The following ERO1B variants were observed in gnomAD, a reference collection of about 807,000 sequenced individuals.
The protein encoded by ERO1B is ERO1-like protein beta.
In ERO1B, 49 loss-of-function variants were observed where a neutral mutation model predicts 75.3. The observed-to-expected ratio is 0.65, with a 90% confidence interval of 0.52 to 0.83. The LOEUF (loss-of-function observed/expected upper bound fraction) is 0.83. ERO1B is among the 40% of genes least tolerant of loss of function. The pLI is 0.00. For synonymous variants in ERO1B, 191 were observed against 192.9 expected (o/e 0.99, Z 0.08); for missense variants, 512 against 560.1 (o/e 0.91, Z 0.87).
chr1:236,266,204 AAG>A (rs967965220), intron 2 of ERO1B, among the ~76,000 whole-genome samples: 2 of 152,276 alleles, frequency 1.3e-5, no homozygotes, highest in African/African-American at 4.8e-5. Flanking sequence ...AGAAGTAAAA[AAG>A]AGAAGTTAGA....
intron 2 of ERO1B, among the ~76,000 whole-genome samples, chr1:236,261,277 T>C (rs977208444): frequency 6.6e-6 from 1 of 152,154 alleles, no homozygotes; most frequent in Non-Finnish European, 1.5e-5. Flanking sequence ...GCCACTTCTA[T>C]TCAACATAGT....
chr1:236,229,941 A>G (rs907331574), intron 10 of ERO1B, among the ~76,000 whole-genome samples: 1 of 152,220 alleles, frequency 6.6e-6, no homozygotes, highest in Non-Finnish European at 1.5e-5. Flanking sequence ...AGTAGTTTGA[A>G]TGAACATTAC....
intron 4 of ERO1B, 42 bp from the exon 5 acceptor site, chr1:236,250,009 T>C (rs2102955168): frequency 1.5e-6 from 2 of 1,339,122 alleles, no homozygotes; most frequent in Non-Finnish European, 2.1e-6. Context: ...TATTACCTTA[T>C]TCTTTATTTC....
intron 2 of ERO1B, among the ~76,000 whole-genome samples, chr1:236,258,885 T>C (rs1665228049): frequency 6.6e-6 from 1 of 152,076 alleles, no homozygotes; most frequent in African/African-American, 2.4e-5. Flanking sequence ...TAAGACTCCA[T>C]CTCAAACATA....
intron 5 of ERO1B, among the ~76,000 whole-genome samples, chr1:236,246,872 A>C (rs769318929): frequency 1.3e-5 from 2 of 152,184 alleles, no homozygotes; most frequent in African/African-American, 2.4e-5. Flanking sequence ...CCATATGTGT[A>C]TTATACTTAA....
intron 2 of ERO1B, 84 bp downstream of exon 2, chr1:236,269,791 G>A (rs1665549682): frequency 1.9e-6 from 2 of 1,076,804 alleles, no homozygotes; most frequent in Admixed American, 2.1e-5. Context: ...GGTGCTGAGA[G>A]GAACTGAAAT....
intron 7 of ERO1B, 139 bp downstream of exon 7, chr1:236,236,139 C>G: frequency 9.5e-7 from 1 of 1,048,362 alleles, no homozygotes; most frequent in Non-Finnish European, 1.4e-6. Flanking sequence ...GTTGGCCAGG[C>G]TGGTCTTGAA....
intron 1 of ERO1B, among the ~76,000 whole-genome samples, chr1:236,273,171 A>G (rs1036077874): frequency 1.3e-5 from 2 of 152,160 alleles, no homozygotes; most frequent in African/African-American, 2.4e-5. Flanking sequence ...GGAGTGTCAG[A>G]GTCAGAGAGA....
At chr1:236,239,063 G>C (rs1204646367) in intron 6 of ERO1B, among the ~76,000 whole-genome samples, 1 of 152,156 alleles carries the variant, frequency 6.6e-6, no homozygotes, top group East Asian at 1.9e-4. Flanking sequence ...TGGGACTCCA[G>C]GTGCTCACCA....
At chr1:236,239,813 A>ATATATATG (rs1558510782) in intron 6 of ERO1B, among the ~76,000 whole-genome samples, 12 of 47,332 alleles carry the variant, frequency 2.5e-4, no homozygotes, top group African/African-American at 5.3e-4. Context: ...ATATGTGTGT[A>ATATATATG]TATATATATG....
At chr1:236,274,097 C>T (rs1419771014) in intron 1 of ERO1B, among the ~76,000 whole-genome samples, 1 of 151,258 alleles carries the variant, frequency 6.6e-6, no homozygotes, top group Non-Finnish European at 1.5e-5. Context: ...GATTCTCGTG[C>T]CTCAGCCTCC....
At position 236,250,623 on chromosome 1, in the gene ERO1B, C is replaced by T. The variant is rs1233397232; in HGVS notation, c.349-656G>A. 4.4e-4 allele frequency among the ~76,000 whole-genome samples: 45 copies of T among 101,538 alleles called. 2 individuals carry two copies. The highest frequency in any genetic ancestry group is 1.0e-3 in the African/African-American group (29 of 28,968). The allele number at this position is 101,538 out of a possible 152,430, so 66.6% of individuals were successfully genotyped here. On this transcript the variant is annotated intron_variant, in intron 4 of 15. Coordinates refer to ENST00000354619, the MANE Select transcript of ERO1B (RefSeq NM_019891.4). ...TATATATATATATATATATATCAAA[C>T]GTGTGTGTGCAAACATATATATATA...
chr1:236,256,279 T>C (rs1665156762), intron 2 of ERO1B, among the ~76,000 whole-genome samples: 1 of 152,072 alleles, frequency 6.6e-6, no homozygotes, highest in Admixed American at 6.5e-5. Context: ...GAGAAGGGGA[T>C]ATTCCCTGTG....
chr1:236,239,835 G>GTCTATATATATGTGTATATATA (rs764354290), intron 6 of ERO1B, among the ~76,000 whole-genome samples: 2 of 42,358 alleles, frequency 4.7e-5, no homozygotes, highest in Admixed American at 2.6e-4. Flanking sequence ...GTATATATAT[G>GTCTATATATATGTGTATATATA]TGTATATATA....
chr1:236,278,674 T>C (rs556536297), intron 1 of ERO1B, among the ~76,000 whole-genome samples: 4 of 152,198 alleles, frequency 2.6e-5, no homozygotes, highest in Non-Finnish European at 5.9e-5. Context: ...ATATATCTAA[T>C]TGAAATTACT....
chr1:236,227,523 A>C (rs751726217), intron 10 of ERO1B, among the ~76,000 whole-genome samples: 1 of 152,238 alleles, frequency 6.6e-6, no homozygotes. Context: ...TTAAGATGGT[A>C]AATTCTTAAA....
chr1:236,274,351 T>A (rs1466360724), intron 1 of ERO1B, among the ~76,000 whole-genome samples: 4 of 150,318 alleles, frequency 2.7e-5, no homozygotes, highest in Admixed American at 2.6e-4. Flanking sequence ...CATGAAAGAT[T>A]ATCTTTTTTC....
intron 1 of ERO1B, among the ~76,000 whole-genome samples, chr1:236,279,921 A>C (rs1665792973): frequency 6.6e-6 from 1 of 152,126 alleles, no homozygotes; most frequent in South Asian, 2.1e-4. Flanking sequence ...TGTTTGGCAC[A>C]ATGCTACTTC....
chr1:236,251,212 TA>T (rs546435823), intron 4 of ERO1B, among the ~76,000 whole-genome samples: 3 of 151,656 alleles, frequency 2.0e-5, no homozygotes, highest in South Asian at 4.2e-4. Flanking sequence ...TTATTTAAAT[TA>T]AAAAAAATTT....
Sources: gnomAD v4.1 joint callset for allele counts (sites outside exome capture counted in the v4.1 genomes callset) on GRCh38, gnomAD v4.1.1 for gene constraint, MANE v1.5 for transcripts, NCBI Gene and HGNC (gene_info 2026-07-23, HGNC 2026-07-21) for gene names.